Variants in PDE4D observed in about 807,000 individuals in gnomAD.
PDE4D encodes phosphodiesterase 4D.
PDE4D carries 24 observed loss-of-function variants against 87.4 expected under a neutral mutation model. That is an observed-to-expected ratio of 0.27 (90% confidence interval 0.20 to 0.39). The LOEUF (loss-of-function observed/expected upper bound fraction) is 0.39, where lower values mean the gene tolerates loss of function less well. PDE4D is among the 10% of genes least tolerant of loss of function. PDE4D has a pLI of 1.00. For missense variants in PDE4D, 714 were observed against 1,041.0 expected, an observed-to-expected ratio of 0.69 and a Z score of 4.32; for synonymous variants, 384 against 383.2, an observed-to-expected ratio of 1.00 and a Z score of -0.02.
At chr5:60,371,150 A>G (rs1309143181) in intron 1 of PDE4D, among the ~76,000 whole-genome samples, 1 of 152,242 alleles carries the variant, frequency 6.6e-6, no homozygotes, top group African/African-American at 2.4e-5. Context: ...GTGAGCTATC[A>G]GGATCTACTC....
intron 2 of PDE4D, among the ~76,000 whole-genome samples, chr5:60,059,397 G>A (rs1363950288): frequency 2.0e-5 from 3 of 151,958 alleles, no homozygotes; most frequent in African/African-American, 7.2e-5. Context: ...CTGGTCATAT[G>A]TATTTACAAT....
chr5:59,339,744 C>T (rs1041566112), intron 1 of PDE4D, among the ~76,000 whole-genome samples: 2 of 152,072 alleles, frequency 1.3e-5, no homozygotes, highest in African/African-American at 4.8e-5. Context: ...ATGATTGAAG[C>T]ACATGGTAAA....
chr5:59,576,812 A>G (rs546550685), intron 1 of PDE4D, among the ~76,000 whole-genome samples: 2 of 152,300 alleles, frequency 1.3e-5, no homozygotes, highest in Non-Finnish European at 1.5e-5. Flanking sequence ...TCTGGCACAG[A>G]TTATTTTCTA....
intron 2 of PDE4D, among the ~76,000 whole-genome samples, chr5:60,128,824 T>C (rs1313497551): frequency 2.0e-5 from 3 of 152,202 alleles, no homozygotes; most frequent in African/African-American, 7.2e-5. Flanking sequence ...ATTTCTATGA[T>C]ACAGACAGAA....
chr5:60,007,866 CA>C (rs1452638341), intron 2 of PDE4D, among the ~76,000 whole-genome samples: 1 of 151,950 alleles, frequency 6.6e-6, no homozygotes, highest in Non-Finnish European at 1.5e-5. Context: ...TAGCTGTAAA[CA>C]AAATTGACAA....
At chr5:59,004,652 C>T (rs150602902) in intron 6 of PDE4D, among the ~76,000 whole-genome samples, 15 of 152,312 alleles carry the variant, frequency 9.8e-5, no homozygotes, top group East Asian at 5.8e-4. Flanking sequence ...AATACTTATA[C>T]GTAAAAAGTA....
intron 2 of PDE4D, among the ~76,000 whole-genome samples, chr5:60,158,291 T>C (rs2149456323): frequency 6.6e-6 from 1 of 152,302 alleles, no homozygotes; most frequent in Admixed American, 6.5e-5. Flanking sequence ...TAAACCTGTA[T>C]GCCATGTTAC....
intron 1 of PDE4D, among the ~76,000 whole-genome samples, chr5:60,447,159 C>A (rs1045811370): frequency 1.3e-5 from 2 of 152,148 alleles, no homozygotes; most frequent in Non-Finnish European, 2.9e-5. Flanking sequence ...TGGAGCAGGG[C>A]AAGTGGCATG....
At chr5:59,137,179 C>T (rs572501548) in intron 5 of PDE4D, among the ~76,000 whole-genome samples, 19 of 152,196 alleles carry the variant, frequency 1.2e-4, no homozygotes, top group Non-Finnish European at 2.6e-4. Flanking sequence ...CCACAACTCC[C>T]GACTTCCCTT....
intron 1 of PDE4D, among the ~76,000 whole-genome samples, chr5:59,349,718 A>G (rs1426899886): frequency 6.6e-6 from 1 of 152,058 alleles, no homozygotes; most frequent in Non-Finnish European, 1.5e-5. Flanking sequence ...ATGATTATAA[A>G]CCCTTGGCAG....
chr5:59,499,855 C>A (rs546195782), intron 1 of PDE4D, among the ~76,000 whole-genome samples: 1 of 149,070 alleles, frequency 6.7e-6, no homozygotes, highest in South Asian at 2.1e-4. Context: ...CAAATAAGAG[C>A]TGATACAGAT....
intron 2 of PDE4D, among the ~76,000 whole-genome samples, chr5:60,063,792 A>G (rs1027488698): frequency 1.3e-5 from 2 of 152,084 alleles, no homozygotes; most frequent in Admixed American, 1.3e-4. Flanking sequence ...GGCTGGCATA[A>G]TTTGGAACAA....
chr5:59,421,728 A>G (rs1794507535), intron 1 of PDE4D, among the ~76,000 whole-genome samples: 1 of 152,130 alleles, frequency 6.6e-6, no homozygotes, highest in African/African-American at 2.4e-5. Flanking sequence ...AGAGCTTGAG[A>G]TGTACATTTG....
intron 2 of PDE4D, among the ~76,000 whole-genome samples, chr5:60,165,056 T>A (rs1210790180): frequency 6.6e-6 from 1 of 152,196 alleles, no homozygotes; most frequent in East Asian, 1.9e-4. Flanking sequence ...CCAACCTGTC[T>A]AGCCTCTCTA....
intron 2 of PDE4D, among the ~76,000 whole-genome samples, chr5:60,118,583 G>A (rs1451820525): frequency 2.6e-5 from 4 of 151,658 alleles, no homozygotes; most frequent in African/African-American, 4.9e-5. Flanking sequence ...GTGTGTGTGT[G>A]TGTGTGTGTG....
intron 2 of PDE4D, among the ~76,000 whole-genome samples, chr5:60,139,099 G>T (rs538041157): frequency 2.0e-5 from 3 of 151,980 alleles, no homozygotes; most frequent in African/African-American, 7.2e-5. Flanking sequence ...CCTGAAGGTA[G>T]AATTTTAAAA....
intron 5 of PDE4D, among the ~76,000 whole-genome samples, chr5:59,131,597 AACACACACACACACACACACACACACAC>A (rs34161581): frequency 7.6e-5 from 9 of 118,094 alleles, no homozygotes; most frequent in Non-Finnish European, 1.7e-5. Flanking sequence ...GCCAATTTAA[AACACACACACACACACACACACACACAC>A]ACACACACAC....
At chr5:59,732,350 TTTA>T (rs1431771814) in intron 1 of PDE4D, among the ~76,000 whole-genome samples, 1 of 151,796 alleles carries the variant, frequency 6.6e-6, no homozygotes, top group African/African-American at 2.4e-5. Flanking sequence ...ATTTTATTAT[TTTA>T]TTGTTAAATT....
intron 1 of PDE4D, among the ~76,000 whole-genome samples, chr5:59,661,499 T>C (rs991421424): frequency 1.3e-5 from 2 of 152,214 alleles, no homozygotes; most frequent in African/African-American, 4.8e-5. Context: ...CTCTAGATGT[T>C]TGCATAAGCA....
Sources: allele counts gnomAD v4.1 joint callset (sites outside exome capture counted in the v4.1 genomes callset), GRCh38; gene constraint gnomAD v4.1.1; transcripts MANE v1.5; gene names NCBI Gene and HGNC (gene_info 2026-07-23, HGNC 2026-07-21).